Variants in LRIG1 observed in about 807,000 individuals in gnomAD.
The protein encoded by LRIG1 is leucine-rich repeats and immunoglobulin-like domains protein 1.
A neutral mutation model predicts 99.2 loss-of-function variants in LRIG1; 48 were observed. The ratio of observed to expected loss-of-function variants is 0.48; its 90% CI spans 0.38 to 0.62. The LOEUF is 0.62. Among genes scored for constraint, LRIG1 ranks in the 20% least tolerant of loss-of-function variants. The pLI is 0.00. For missense variants in LRIG1, 1,646 were observed against 1,434.4 expected (o/e 1.15, Z -2.38); for synonymous variants, 772 against 596.1 (o/e 1.29, Z -4.30).
At position 66,380,192 on chromosome 3, in the gene LRIG1, G is replaced by T; in HGVS notation, c.*71C>A. ...ACAGATGAGTGACGCTTGAACCCAA[G>T]CTTCCTCGCAGCCTCTCCTACCTCT... On this transcript the variant is annotated 3_prime_UTR_variant, in exon 19 of 19. Coordinates refer to ENST00000273261, the MANE Select transcript of LRIG1 (RefSeq NM_015541.3). 1.5e-6 allele frequency: 2 copies of T among 1,316,212 alleles called. No individual in the cohort carries two copies. The highest frequency in any genetic ancestry group is 2.1e-6 in the Non-Finnish European group (2 of 950,644). The allele number at this position is 1,316,212 out of a possible 1,614,324, so 81.5% of individuals were successfully genotyped here.
chr3:66,418,078 T>G (rs545974668), intron 3 of LRIG1, among the ~76,000 whole-genome samples: 48 of 143,590 alleles, frequency 3.3e-4, no homozygotes, highest in Non-Finnish European at 6.6e-4. Context: ...GTAACTTGTG[T>G]TTTTTTTTTG....
At chr3:66,452,971 A>C (rs929194720) in intron 2 of LRIG1, among the ~76,000 whole-genome samples, 4 of 152,130 alleles carry the variant, frequency 2.6e-5, no homozygotes, top group Non-Finnish European at 4.4e-5. Context: ...TAGACAATTA[A>C]TTACTTTAAC....
rs771323470 is a variant in LRIG1, at chr3:66,384,263, G to A, written c.1799C>T (p.Ser600Leu). 5.0e-6 allele frequency: 8 copies of A among 1,611,342 alleles called. No individual in the cohort carries two copies. The highest frequency in any genetic ancestry group is 5.1e-6 in the Non-Finnish European group (6 of 1,177,594). Reference sequence around the variant, plus strand: ...TATGTCGTGGGGCGTTTTGGTGAATGATGGCAACACTGGAAAACATACGTA... The same window carrying A: ...TATGTCGTGGGGCGTTTTGGTGAATAATGGCAACACTGGAAAACATACGTA... Reference protein sequence around the residue: ...KARLTVNVLPSFTKTPHDITI... With the variant: ...KARLTVNVLPLFTKTPHDITI... The change falls in exon 14 of 19, where the codon TCA becomes TTA. Residue 600 changes from serine to leucine, a missense_variant. Physicochemically the swap from Ser to Leu is moderately radical, Grantham distance 145. Coordinates refer to ENST00000273261, the MANE Select transcript of LRIG1 (RefSeq NM_015541.3).
At chr3:66,401,550 C>G in intron 9 of LRIG1, 1 of 1,217,292 alleles carries the variant, frequency 8.2e-7, no homozygotes, top group Non-Finnish European at 1.1e-6. Flanking sequence ...AATAAATTCT[C>G]AAATTCTCAA....
chr3:66,471,469 C>A (rs1251440157), intron 1 of LRIG1, among the ~76,000 whole-genome samples: 2 of 152,098 alleles, frequency 1.3e-5, no homozygotes, highest in Non-Finnish European at 2.9e-5. Flanking sequence ...AACCTTGGAG[C>A]CAGGTGCTCC....
rs377034963 is a variant in LRIG1 at position 66,499,211 on chromosome 3, G to A, written c.218+979C>T. ...TCTATTCTACCATGTTTACACAGAA[G>A]TCTAATGCCTTTTTTTTCCTGTCAA... On this transcript the variant is annotated intron_variant, in intron 1 of 18. Coordinates refer to ENST00000273261, the MANE Select transcript of LRIG1 (RefSeq NM_015541.3). Among the ~76,000 whole-genome samples the A allele has an allele frequency of 6.4e-4, 97 of 151,720 alleles. 1 individual carries two copies. Among genetic ancestry groups the A allele is most frequent in the African/African-American group, 2.2e-3 (93 of 41,366 alleles).
intron 6 of LRIG1, among the ~76,000 whole-genome samples, chr3:66,410,480 G>A (rs1416172494): frequency 1.3e-5 from 2 of 152,240 alleles, no homozygotes; most frequent in Admixed American, 1.3e-4. Flanking sequence ...GACAGCACAT[G>A]CCAAGGCCGA....
At chr3:66,401,293 G>C (rs1455771145) in intron 9 of LRIG1, among the ~76,000 whole-genome samples, 1 of 152,216 alleles carries the variant, frequency 6.6e-6, no homozygotes, top group African/African-American at 2.4e-5. Flanking sequence ...GCAAGTAACA[G>C]CTCATGGGGC....
intron 1 of LRIG1, among the ~76,000 whole-genome samples, chr3:66,482,545 G>A (rs1484252280): frequency 7.2e-5 from 11 of 152,208 alleles, no homozygotes; most frequent in Non-Finnish European, 2.9e-5. Flanking sequence ...TTGTGAGGGT[G>A]TGGGACAAGC....
intron 3 of LRIG1, among the ~76,000 whole-genome samples, chr3:66,444,263 G>C (rs1323655338): frequency 7.2e-5 from 11 of 152,192 alleles, no homozygotes; most frequent in African/African-American, 2.7e-4. Context: ...GACTTGAGTG[G>C]TCACCAACAA....
chr3:66,422,468 G>T (rs539111097), intron 3 of LRIG1, among the ~76,000 whole-genome samples: 41 of 152,276 alleles, frequency 2.7e-4, no homozygotes, highest in African/African-American at 8.9e-4. Flanking sequence ...GCAAAATGCT[G>T]CCAGTCTCTT....
At chr3:66,385,642 G>A (rs1018184451) in intron 13 of LRIG1, among the ~76,000 whole-genome samples, 20 of 152,104 alleles carry the variant, frequency 1.3e-4, no homozygotes, top group African/African-American at 3.9e-4. Flanking sequence ...TAGTAGAGAC[G>A]GGGTTTCACT....
chr3:66,476,703 T>A (rs1436167075), intron 1 of LRIG1, among the ~76,000 whole-genome samples: 1 of 152,184 alleles, frequency 6.6e-6, no homozygotes, highest in Non-Finnish European at 1.5e-5. Context: ...AAAACACTCT[T>A]TAAAAGTTGC....
intron 12 of LRIG1, among the ~76,000 whole-genome samples, chr3:66,390,800 GA>G (rs1343913131): frequency 2.0e-5 from 3 of 151,984 alleles, no homozygotes; most frequent in Non-Finnish European, 4.4e-5. Context: ...CGTAATAAAA[GA>G]AAAAATAGAG....
intron 1 of LRIG1, among the ~76,000 whole-genome samples, chr3:66,486,435 C>G (rs1343027108): frequency 6.6e-6 from 1 of 152,074 alleles, no homozygotes; most frequent in Non-Finnish European, 1.5e-5. Flanking sequence ...AACCAGATGC[C>G]TGGAATGCAG....
Position 66,383,159 on chromosome 3 carries a change from C to T in LRIG1, c.2314G>A (p.Glu772Lys). 1.2e-6 allele frequency: 2 copies of T among 1,614,244 alleles called. No homozygotes were observed. The highest frequency in any genetic ancestry group is 2.2e-5 in the South Asian group (2 of 91,082). ...TCEMSNTLGT[E>K]RAHSQLSVLP... ...ACGCTCAGCTGGCTGTGAGCTCGCT[C>T]CGTGCCCAGGGTGTTGGACATCTCA... The change falls in exon 15 of 19, where the codon GAG (glutamate) becomes AAG (lysine). Residue 772 changes from glutamate to lysine, a missense_variant. Glu to Lys is a moderately conservative substitution (Grantham distance 56). Transcript: ENST00000273261.
At chr3:66,482,478 G>C (rs1438321383) in intron 1 of LRIG1, among the ~76,000 whole-genome samples, 1 of 152,166 alleles carries the variant, frequency 6.6e-6, no homozygotes, top group Non-Finnish European at 1.5e-5. Flanking sequence ...AATAATCTGA[G>C]GCAATTTCCA....
At chr3:66,446,991 T>C (rs1703752217) in intron 3 of LRIG1, among the ~76,000 whole-genome samples, 4 of 152,314 alleles carry the variant, frequency 2.6e-5, no homozygotes, top group African/African-American at 9.6e-5. Context: ...TAGCATTCTG[T>C]AGTGGTGATG....
rs545624211 is a variant in LRIG1 at position 66,405,975 on chromosome 3, G to A, written c.1080-697C>T. ...CAGGAGCAGGTCACAGTGCCCAGGC[G>A]AGACATCACACCTGGAGACCAGGCC... On this transcript the variant is annotated intron_variant, in intron 8 of 18. Transcript: ENST00000273261. 677 of 994,768 alleles carry A rather than the reference G, an allele frequency of 6.8e-4. 5 individuals carry two copies. In the Middle Eastern group the frequency reaches 0.027, roughly 40 times the overall value. The allele number at this position is 994,768 out of a possible 1,614,324, so 61.6% of individuals were successfully genotyped here.
Sources: gnomAD v4.1 joint callset for allele counts (sites outside exome capture counted in the v4.1 genomes callset) on GRCh38, gnomAD v4.1.1 for gene constraint, MANE v1.5 for transcripts, NCBI Gene and HGNC (gene_info 2026-07-23, HGNC 2026-07-21) for gene names.